SNX2: variants seen among roughly 807,000 people sequenced by gnomAD.
The protein encoded by SNX2 is sorting nexin 2.
In SNX2, 25 loss-of-function variants were observed where a neutral mutation model predicts 69.9. The observed-to-expected ratio is 0.36, with a 90% CI of 0.26 to 0.50. The LOEUF is 0.50. Among genes scored for constraint, SNX2 ranks in the 20% least tolerant of loss-of-function variants. The pLI is 0.97. For synonymous variants in SNX2, 229 were observed against 200.4 expected, an observed-to-expected ratio of 1.14 and a Z score of -1.20; for missense variants, 551 against 613.3, an observed-to-expected ratio of 0.90 and a Z score of 1.07.
chr5:122,830,034 A>G lies in SNX2; in HGVS notation c.*386A>G, dbSNP rs928342228. ...GAAGTGAATTACCAATGCTTTGAAT[A>G]ATGTTCACTTATACATTCCTGTACA... is the stretch of plus-strand genomic sequence containing the variant. On this transcript the variant is annotated 3_prime_UTR_variant, in exon 15 of 15. Transcript: ENST00000379516. The G allele has an allele frequency of 1.8e-5, 3 of 166,578 alleles. No homozygotes were observed. Among genetic ancestry groups the G allele is most frequent in the Middle Eastern group, 5.4e-3 (2 of 368 alleles). 10.3% of individuals were successfully genotyped at this position (166,578 alleles called of 1,614,324 possible). A position where few individuals can be genotyped will look rare whatever the true frequency, so the allele number is the denominator to read the frequency against.
intron 1 of SNX2, among the ~76,000 whole-genome samples, chr5:122,789,474 G>GACACACACACACACACACACACAC (rs60199625): frequency 6.9e-6 from 1 of 144,608 alleles, no homozygotes; most frequent in African/African-American, 2.5e-5. Context: ...GACACACACG[G>GACACACACACACACACACACACAC]ACACACACAC....
intron 6 of SNX2, chr5:122,803,860 C>T (rs974361693): frequency 2.3e-5 from 7 of 300,652 alleles, no homozygotes; most frequent in Middle Eastern, 9.4e-4. Context: ...GGGTAGAGGC[C>T]GTGTGTGGTG....
upstream of SNX2, chr5:122,775,079 C>T (rs200816836): frequency 7.0e-6 from 11 of 1,565,100 alleles, no homozygotes; most frequent in Admixed American, 5.9e-5. Flanking sequence ...AGGCCCAGCT[C>T]GCGCAGTCGT....
At position 122,785,275 on chromosome 5, in the gene SNX2, T is replaced by A. The variant is rs560900673; in HGVS notation, c.109-9991T>A. On this transcript the variant is annotated intron_variant, in intron 1 of 14. Coordinates refer to ENST00000379516, the MANE Select transcript of SNX2 (RefSeq NM_003100.4). ...TGTGTTTAATTTGCTCTTCTAGTTT[T>A]TTTTTGTTGTTGTTGTTAATTTTAG... is the stretch of plus-strand genomic sequence containing the variant. Among the ~76,000 whole-genome samples the A allele has an allele frequency of 2.1e-3, 325 of 151,812 alleles. 1 individual carries two copies. Among genetic ancestry groups the A allele is most frequent in the African/African-American group, 7.3e-3 (304 of 41,474 alleles).
Position 122,795,331 on chromosome 5 carries a change from C to T in SNX2, c.174C>T (p.Gly58=). The change falls in exon 2 of 15, where the codon GGC becomes GGT. Residue 58 remains glycine, a synonymous_variant. Transcript: ENST00000379516. ...PAEDISANSN[G]PKPTEVVLDD... is the part of the protein sequence containing the mutation. ...AAGATATTAGTGCAAACTCCAATGG[C>T]CCAAAACCCACAGAAGTTGTATTAG... 2 of 1,613,802 alleles carry T rather than the reference C, an allele frequency of 1.2e-6. No homozygotes were observed. The highest frequency in any genetic ancestry group is 4.5e-5 in the East Asian group (2 of 44,838).
chr5:122,788,528 C>A (rs527874141), intron 1 of SNX2, among the ~76,000 whole-genome samples: 2 of 152,242 alleles, frequency 1.3e-5, no homozygotes, highest in South Asian at 4.1e-4. Context: ...GTCCTTGAGG[C>A]TTTGTTCATT....
At chr5:122,786,887 T>C (rs1324149256) in intron 1 of SNX2, among the ~76,000 whole-genome samples, 3 of 152,214 alleles carry the variant, frequency 2.0e-5, no homozygotes, top group Non-Finnish European at 4.4e-5. Context: ...AGTGCCACTT[T>C]TTAATTGAAG....
chr5:122,793,047 T>C (rs1753279655), intron 1 of SNX2, among the ~76,000 whole-genome samples: 1 of 152,204 alleles, frequency 6.6e-6, no homozygotes, highest in Non-Finnish European at 1.5e-5. Flanking sequence ...ATACAACCAC[T>C]TTAGAAGATA....
rs376962357 is a variant in SNX2 at position 122,815,885 on chromosome 5, C to G, written c.723-11C>G. On this transcript the variant is annotated splice_polypyrimidine_tract_variant and intron_variant, in intron 7 of 14. Coordinates refer to ENST00000379516, the MANE Select transcript of SNX2 (RefSeq NM_003100.4). Reference sequence around the variant, plus strand: ...CTACTGATAAAGGAGCAATTTTACTCTTAAATCTAGGTATCTTCAAAGAAC... The same window carrying G: ...CTACTGATAAAGGAGCAATTTTACTGTTAAATCTAGGTATCTTCAAAGAAC... 3 of 1,513,592 alleles carry G rather than the reference C, an allele frequency of 2.0e-6. No homozygotes were observed. Among genetic ancestry groups the G allele is most frequent in the African/African-American group, 2.8e-5 (2 of 71,884 alleles). The allele number at this position is 1,513,592 out of a possible 1,614,324, so 93.8% of individuals were successfully genotyped here.
intron 6 of SNX2, among the ~76,000 whole-genome samples, chr5:122,805,136 C>G (rs973647928): frequency 3.0e-4 from 45 of 151,734 alleles, no homozygotes; most frequent in Middle Eastern, 3.4e-3. Context: ...TACAAAAATA[C>G]AAAAATTAGC....
rs193138598 is a variant in SNX2, at chr5:122,802,225, G to A, written c.501+101G>A. On this transcript the variant is annotated intron_variant, in intron 5 of 14. Transcript: ENST00000379516. ...TAGAAGTGATCCCTGTCTTTATAAA[G>A]GTTACCACCTAATAAAGATTGCCAA... The A allele has an allele frequency of 7.8e-5, 79 of 1,013,504 alleles. No homozygotes were observed. In the African/African-American group the frequency reaches 1.2e-3, roughly 15 times the overall value. 62.8% of individuals were successfully genotyped at this position (1,013,504 alleles called of 1,614,324 possible).
At chr5:122,810,399 TA>T (rs928838303) in intron 7 of SNX2, among the ~76,000 whole-genome samples, 3,707 of 122,438 alleles carry the variant, frequency 0.03, 56 homozygotes, top group Middle Eastern at 0.066. Context: ...AATGATCAAT[TA>T]AAAAAAAAAA....
At chr5:122,816,688 A>T (rs542596192) in intron 8 of SNX2, among the ~76,000 whole-genome samples, 10 of 152,134 alleles carry the variant, frequency 6.6e-5, no homozygotes, top group Non-Finnish European at 1.3e-4. Flanking sequence ...GCAGAAGAAA[A>T]GCAAATGGAA....
intron 1 of SNX2, among the ~76,000 whole-genome samples, chr5:122,788,930 TGTCTTTTCTCTTATTTG>T (rs1753149472): frequency 6.6e-6 from 1 of 152,234 alleles, no homozygotes; most frequent in Non-Finnish European, 1.5e-5. Context: ...ATCTGTTGAC[TGTCTTTTCTCTTATTTG>T]GTCACATTTT....
intron 6 of SNX2, among the ~76,000 whole-genome samples, chr5:122,805,924 G>A (rs943271466): frequency 1.3e-5 from 2 of 151,932 alleles, no homozygotes; most frequent in African/African-American, 4.8e-5. Flanking sequence ...GGGACTACAG[G>A]CGCCCGCCAC....
intron 1 of SNX2, among the ~76,000 whole-genome samples, chr5:122,790,676 G>A (rs551889695): frequency 3.9e-5 from 6 of 152,274 alleles, no homozygotes; most frequent in East Asian, 3.9e-4. Context: ...TTGGGTTGTC[G>A]CAGCAGAAAT....
chr5:122,824,344 A>G (rs1222389507), intron 11 of SNX2, among the ~76,000 whole-genome samples: 1 of 152,126 alleles, frequency 6.6e-6, no homozygotes, highest in Non-Finnish European at 1.5e-5. Flanking sequence ...AAGCCAAAGC[A>G]TTGAACACTG....
intron 9 of SNX2, 60 bp downstream of exon 9, chr5:122,817,088 T>C (rs1753916547): frequency 7.6e-7 from 1 of 1,314,362 alleles, no homozygotes. Flanking sequence ...ACAATTGCAT[T>C]TTAAAGCTGT....
intron 7 of SNX2, among the ~76,000 whole-genome samples, chr5:122,810,398 T>TA (rs1561464624): frequency 0.01 from 609 of 59,868 alleles, 9 homozygotes; most frequent in East Asian, 0.038. Context: ...GAATGATCAA[T>TA]TAAAAAAAAA....
Sources: allele counts gnomAD v4.1 joint callset (sites outside exome capture counted in the v4.1 genomes callset), GRCh38; gene constraint gnomAD v4.1.1; transcripts MANE v1.5; gene names NCBI Gene and HGNC (gene_info 2026-07-23, HGNC 2026-07-21).